LARP6: variants seen among roughly 807,000 people sequenced by gnomAD.
LARP6 encodes the protein la-related protein 6.
A neutral mutation model predicts 32.8 loss-of-function variants in LARP6; 18 were observed. That is an observed-to-expected ratio of 0.55 (90% CI 0.38 to 0.81). The LOEUF (loss-of-function observed/expected upper bound fraction) is 0.81. Ranked by LOEUF, LARP6 falls within the 40% of genes least tolerant of loss-of-function variation. LARP6 has a pLI of 0.00. For missense variants in LARP6, 598 were observed against 663.1 expected, an observed-to-expected ratio of 0.90 and a Z score of 1.08; for synonymous variants, 289 against 267.2, an observed-to-expected ratio of 1.08 and a Z score of -0.80.
intron 1 of LARP6, chr15:70,851,913 G>A (rs2032471149): frequency 2.5e-6 from 2 of 790,664 alleles, no homozygotes; most frequent in East Asian, 2.8e-5. Flanking sequence ...AGAGGTGGGG[G>A]TGCAGAGGCA....
intron 2 of LARP6, among the ~76,000 whole-genome samples, chr15:70,834,449 C>T (rs2032111022): frequency 6.6e-6 from 1 of 152,210 alleles, no homozygotes; most frequent in African/African-American, 2.4e-5. Flanking sequence ...GAAAGCCAGG[C>T]AGTGGCTCAC....
chr15:70,853,791 T>A (rs1398844844), intron 1 of LARP6, 98 bp downstream of exon 1: 13 of 934,878 alleles, frequency 1.4e-5, no homozygotes, highest in Non-Finnish European at 1.7e-5. Flanking sequence ...CTCAACCCCC[T>A]CTGCCCGAGG....
At chr15:70,849,383 ACAAAC>A in intron 1 of LARP6, 1 of 156,890 alleles carries the variant, frequency 6.4e-6, no homozygotes, top group African/African-American at 2.4e-5. Flanking sequence ...AAACAAACAA[ACAAAC>A]AAAAAAATAT....
chr15:70,847,494 T>C (rs2141057532), intron 1 of LARP6, among the ~76,000 whole-genome samples: 2 of 152,160 alleles, frequency 1.3e-5, no homozygotes, highest in Middle Eastern at 6.8e-3. Context: ...CTCAGCCTCC[T>C]GAGTAGCTGG....
At chr15:70,849,618 A>C (rs1189874667) in intron 1 of LARP6, 1 of 152,200 alleles carries the variant, frequency 6.6e-6, no homozygotes, top group African/African-American at 2.4e-5. Flanking sequence ...GAAGTGCTTA[A>C]AGACTAATGG....
intron 1 of LARP6, among the ~76,000 whole-genome samples, chr15:70,850,071 T>C (rs185105845): frequency 1.3e-3 from 196 of 152,246 alleles, no homozygotes; most frequent in African/African-American, 4.4e-3. Context: ...TGAAAAGTCA[T>C]TGGGGAAAGA....
At chr15:70,845,877 A>G (rs1036315768) in intron 1 of LARP6, among the ~76,000 whole-genome samples, 1 of 152,238 alleles carries the variant, frequency 6.6e-6, no homozygotes, top group South Asian at 2.1e-4. Flanking sequence ...CCCAAATGGC[A>G]AAGGCTTTAC....
At chr15:70,847,060 C>T (rs2032360847) in intron 1 of LARP6, among the ~76,000 whole-genome samples, 1 of 152,184 alleles carries the variant, frequency 6.6e-6, no homozygotes, top group Non-Finnish European at 1.5e-5. Flanking sequence ...AGTATTACCC[C>T]AGAGCCTTGC....
chr15:70,832,507 C>G lies in LARP6; in HGVS notation c.1021G>C (p.Asp341His). 6.5e-7 allele frequency: 1 copy of G among 1,542,270 alleles called. No individual in the cohort carries two copies. The highest frequency in any genetic ancestry group is 8.7e-7 in the Non-Finnish European group (1 of 1,148,376). The part of the protein sequence containing the change: ...GDESSANSSS[D>H]PESNPTSPMA... ...GGGGATGTGGGGTTGCTCTCGGGGT[C>G]AGAGGAGCTGTTGGCAGAAGACTCA... Residue 341 changes from aspartate to histidine, a missense_variant, in exon 3 of 3, where the codon GAC (aspartate) becomes CAC (histidine). Asp to His is a moderately conservative substitution (Grantham distance 81). This residue lies in a region of LARP6 where 368 missense variants were observed against 397.9 expected (regional missense o/e 0.92). Coordinates refer to ENST00000299213, the MANE Select transcript of LARP6 (RefSeq NM_018357.4).
chr15:70,835,445 T>C (rs1360311740), intron 2 of LARP6, among the ~76,000 whole-genome samples: 1 of 152,122 alleles, frequency 6.6e-6, no homozygotes, highest in African/African-American at 2.4e-5. Context: ...ATGAGCATAT[T>C]TGATGAATGA....
At chr15:70,852,387 G>T in intron 1 of LARP6, 1 of 417,952 alleles carries the variant, frequency 2.4e-6, no homozygotes, top group Middle Eastern at 3.5e-4. Context: ...CTGAGGCTTG[G>T]TTTCTCCTAG....
Position 70,833,114 on chromosome 15 carries a change from C to T in LARP6, c.414G>A (p.Val138=). Residue 138 remains valine, a splice_region_variant and synonymous_variant, in exon 3 of 3, where the codon GTG becomes GTA. Transcript: ENST00000299213. The part of the protein sequence containing the change: ...SVKLLTSFKK[V]KHLTRDWRTT... The stretch of plus-strand genomic sequence containing the variant: ...TTCTCCAGTCCCGTGTAAGATGTTT[C>T]ACCTGCAGAACATAAAGCAAATCTG... 6.2e-7 allele frequency: 1 copy of T among 1,613,548 alleles called. No homozygotes were observed. The highest frequency in any genetic ancestry group is 8.5e-7 in the Non-Finnish European group (1 of 1,179,508).
intron 1 of LARP6, among the ~76,000 whole-genome samples, chr15:70,837,552 C>T (rs1199614321): frequency 1.3e-5 from 2 of 152,176 alleles, no homozygotes; most frequent in African/African-American, 2.4e-5. Flanking sequence ...CTTGACCTTT[C>T]GGTAAGATCA....
Position 70,836,473 on chromosome 15 carries a change from C to A in LARP6, c.233G>T (p.Arg78Leu). 6.2e-7 allele frequency: 1 copy of A among 1,614,186 alleles called. No individual in the cohort carries two copies. The highest frequency in any genetic ancestry group is 1.3e-5 in the African/African-American group (1 of 75,050). Residue 78 changes from arginine (R) to leucine (L), a missense_variant, in exon 2 of 3, where the codon CGT becomes CTT. Transcript: ENST00000299213. ...GTTASGGENE[R>L]EDLEQEWKPP... is the part of the protein sequence containing the mutation. Reference sequence around the variant, plus strand: ...CTTCCACTCCTGCTCCAGGTCCTCACGCTCGTTCTCACCTCCACTTGCAGT... The same window carrying A: ...CTTCCACTCCTGCTCCAGGTCCTCAAGCTCGTTCTCACCTCCACTTGCAGT...
At chr15:70,852,226 C>T (rs1207658785) in intron 1 of LARP6, 2 of 452,588 alleles carry the variant, frequency 4.4e-6, no homozygotes, top group Admixed American at 4.8e-5. Flanking sequence ...TGTCAGCTCA[C>T]CGAAGAACCC....
chr15:70,836,584 AC>A (rs1216562486), intron 1 of LARP6, 79 bp from the exon 2 acceptor site: 1 of 1,096,450 alleles, frequency 9.1e-7, no homozygotes, highest in Non-Finnish European at 1.4e-6. Flanking sequence ...TGAAGTCCTG[AC>A]CCCCAATACC....
intron 1 of LARP6, among the ~76,000 whole-genome samples, chr15:70,850,940 T>G (rs1033491327): frequency 1.3e-5 from 2 of 152,320 alleles, no homozygotes; most frequent in African/African-American, 4.8e-5. Flanking sequence ...TGGTGGAAAT[T>G]TCTAGATTAA....
In LARP6 at chr15:70,850,408, C is replaced by T. The variant is rs548803509; in HGVS notation, c.200+3481G>A. Among the ~76,000 whole-genome samples the T allele has an allele frequency of 5.3e-5, 8 of 152,296 alleles. No homozygotes were observed. The East Asian group carries it at 9.6e-4, about 18-fold the overall frequency. ...AAAGCCAAACAAGGAAAACTATGGGCCAATATCCCTGATGAACATAGATGC... is the reference window on the plus strand; with the variant it reads ...AAAGCCAAACAAGGAAAACTATGGGTCAATATCCCTGATGAACATAGATGC... On this transcript the variant is annotated intron_variant, in intron 1 of 2. Coordinates refer to ENST00000299213, the MANE Select transcript of LARP6 (RefSeq NM_018357.4).
chr15:70,851,564 AG>A, intron 1 of LARP6: 2 of 1,562,894 alleles, frequency 1.3e-6, no homozygotes, highest in African/African-American at 2.7e-5. Context: ...TGTCTAGGGA[AG>A]GGGAAACACA....
Sources: allele counts gnomAD v4.1 joint callset (sites outside exome capture counted in the v4.1 genomes callset), GRCh38; gene constraint gnomAD v4.1.1; regional missense constraint gnomAD v4.1.1; transcripts MANE v1.5; gene names NCBI Gene and HGNC (gene_info 2026-07-23, HGNC 2026-07-21).